SOCS2: variants seen among roughly 807,000 people sequenced by gnomAD.
SOCS2 encodes CIS-2.
Under a neutral mutation model 18.6 loss-of-function variants are expected in SOCS2, and 10 were observed. That is an observed-to-expected ratio of 0.54 (90% confidence interval 0.33 to 0.91). The LOEUF (loss-of-function observed/expected upper bound fraction) is 0.91. SOCS2 is among the 40% of genes least tolerant of loss of function. SOCS2 has a pLI of 0.02. For synonymous variants in SOCS2, 104 were observed against 104.0 expected (o/e 1.00, Z 0.00); for missense variants, 231 against 247.2 (o/e 0.93, Z 0.44).
chr12:93,587,551 C>T (rs780674069), downstream of SOCS2, among the ~76,000 whole-genome samples: 6 of 151,236 alleles, frequency 4.0e-5, no homozygotes, highest in African/African-American at 1.2e-4. Context: ...CGTGGTGGCA[C>T]GCGCCTGTAG....
chr12:93,582,613 C>T (rs981059780), intron 1 of SOCS2, among the ~76,000 whole-genome samples: 9 of 152,150 alleles, frequency 5.9e-5, no homozygotes, highest in South Asian at 2.1e-4. Flanking sequence ...CTTTGAGGAG[C>T]GGCTTCCACT....
the SOCS2 span, among the ~76,000 whole-genome samples, chr12:93,607,776 C>T: frequency 1.3e-5 from 2 of 152,156 alleles, no homozygotes; most frequent in South Asian, 2.1e-4. Flanking sequence ...TCTGCATCAT[C>T]GTGTGATGGG....
At chr12:93,577,725 G>GT (rs561190031), downstream of SOCS2, among the ~76,000 whole-genome samples, 18 of 152,104 alleles carry the variant, frequency 1.2e-4, no homozygotes, top group Non-Finnish European at 2.4e-4. Context: ...TGGCCCAGTG[G>GT]TTTTTTTCCC....
chr12:93,612,018 C>T, the SOCS2 span, among the ~76,000 whole-genome samples: 1 of 152,116 alleles, frequency 6.6e-6, no homozygotes, highest in African/African-American at 2.4e-5. Flanking sequence ...CAGGCCTTGT[C>T]ATTTCTGGGA....
At chr12:93,605,046 C>T in the SOCS2 span, among the ~76,000 whole-genome samples, 1 of 151,992 alleles carries the variant, frequency 6.6e-6, no homozygotes, top group African/African-American at 2.4e-5. Flanking sequence ...CTCCCCACTC[C>T]TGCCCCAGTA....
chr12:93,598,728 AT>A, the SOCS2 span, among the ~76,000 whole-genome samples: 1,517 of 152,286 alleles, frequency 1.0e-2, 100 homozygotes, highest in Admixed American at 0.089. Context: ...TTATCTATTA[AT>A]TTACTTATTA....
chr12:93,579,482 T>A (rs886983561), downstream of SOCS2, among the ~76,000 whole-genome samples: 1 of 152,210 alleles, frequency 6.6e-6, no homozygotes, highest in Admixed American at 6.5e-5. Flanking sequence ...ATTTTTTAAG[T>A]ATGGCAGGCT....
the SOCS2 span, among the ~76,000 whole-genome samples, chr12:93,613,110 G>A: frequency 2.6e-5 from 4 of 152,168 alleles, no homozygotes; most frequent in African/African-American, 9.7e-5. Flanking sequence ...TGCAAGAAAG[G>A]GCAATGCCAA....
the SOCS2 span, among the ~76,000 whole-genome samples, chr12:93,599,618 AAC>A: frequency 6.6e-6 from 1 of 152,362 alleles, no homozygotes; most frequent in East Asian, 1.9e-4. Context: ...TCCCCAGTGC[AAC>A]AGTGTTGAGG....
the SOCS2 span, among the ~76,000 whole-genome samples, chr12:93,618,202 G>T: frequency 6.6e-6 from 1 of 152,084 alleles, no homozygotes; most frequent in African/African-American, 2.4e-5. Context: ...GGCCTCCCCA[G>T]AAGCTGATGC....
the SOCS2 span, among the ~76,000 whole-genome samples, chr12:93,595,916 T>A: frequency 6.6e-6 from 1 of 152,074 alleles, no homozygotes; most frequent in East Asian, 1.9e-4. Flanking sequence ...AATTTTTTTT[T>A]ATGTGATTCT....
chr12:93,614,630 T>G, the SOCS2 span, among the ~76,000 whole-genome samples: 1 of 133,500 alleles, frequency 7.5e-6, no homozygotes, highest in Non-Finnish European at 1.6e-5. Flanking sequence ...TTTCTTTCTT[T>G]CTTTTGATGG....
chr12:93,620,802 A>G, the SOCS2 span, among the ~76,000 whole-genome samples: 1 of 152,228 alleles, frequency 6.6e-6, no homozygotes, highest in Non-Finnish European at 1.5e-5. Context: ...AAACACTACA[A>G]TTGTTAACTA....
the SOCS2 span, among the ~76,000 whole-genome samples, chr12:93,590,783 C>CA: frequency 0.028 from 1,080 of 38,932 alleles, 319 homozygotes; most frequent in Non-Finnish European, 0.032. Context: ...GACTCCGCCT[C>CA]AAAAAAAAAA....
At chr12:93,598,704 A>G in the SOCS2 span, among the ~76,000 whole-genome samples, 1 of 152,164 alleles carries the variant, frequency 6.6e-6, no homozygotes, top group Non-Finnish European at 1.5e-5. Context: ...TGAGTACAGT[A>G]TAACAAATTT....
At chr12:93,611,775 A>C in the SOCS2 span, among the ~76,000 whole-genome samples, 1 of 152,364 alleles carries the variant, frequency 6.6e-6, no homozygotes, top group Admixed American at 6.5e-5. Flanking sequence ...AGAAATAAAC[A>C]AAATCTAATA....
intron 1 of SOCS2, chr12:93,573,782 T>TC (rs1471724557): frequency 6.6e-6 from 1 of 152,166 alleles, no homozygotes; most frequent in East Asian, 1.9e-4. Context: ...CGCTTGCGAT[T>TC]CCGGTCTTTC....
chr12:93,615,594 G>T, the SOCS2 span, among the ~76,000 whole-genome samples: 1 of 152,144 alleles, frequency 6.6e-6, no homozygotes, highest in African/African-American at 2.4e-5. Flanking sequence ...AAGTGTGAAA[G>T]TATTTGTTCT....
chr12:93,571,860 G>T (rs757962550), upstream of SOCS2: 121 of 374,170 alleles, frequency 3.2e-4, no homozygotes, highest in Non-Finnish European at 5.2e-4. Flanking sequence ...CCCCATGTCC[G>T]CTGAGGAGGC....
Sources: allele counts gnomAD v4.1 joint callset (sites outside exome capture counted in the v4.1 genomes callset), GRCh38; gene constraint gnomAD v4.1.1; transcripts MANE v1.5; gene names NCBI Gene and HGNC (gene_info 2026-07-23, HGNC 2026-07-21).